The following GRM7 variants were observed in gnomAD, a reference collection of about 807,000 sequenced individuals.
GRM7 encodes the protein glutamate metabotropic receptor 7.
GRM7 carries 35 observed loss-of-function variants against 84.5 expected under a neutral mutation model. That is an observed-to-expected ratio of 0.41 (90% CI 0.32 to 0.55). The LOEUF is 0.55. Ranked by LOEUF, GRM7 falls within the 20% of genes least tolerant of loss-of-function variation. GRM7 has a pLI of 0.19. For missense variants in GRM7, 1,003 were observed against 1,194.6 expected (o/e 0.84, Z 2.36); for synonymous variants, 487 against 455.1 (o/e 1.07, Z -0.89).
At chr3:7,202,107 C>G (rs1248674873) in intron 2 of GRM7, among the ~76,000 whole-genome samples, 1 of 151,486 alleles carries the variant, frequency 6.6e-6, no homozygotes, top group Non-Finnish European at 1.5e-5. Context: ...TTTTGGCTAG[C>G]CAAAAAAGTC....
intron 4 of GRM7, among the ~76,000 whole-genome samples, chr3:7,411,136 T>C (rs893328675): frequency 6.6e-6 from 1 of 152,210 alleles, no homozygotes. Flanking sequence ...ACTCTTGTCA[T>C]TGGATTTACA....
rs138673953 is a variant in GRM7, at chr3:6,912,805, T to G, written c.519+50898T>G. On this transcript the variant is annotated intron_variant, in intron 1 of 9. Coordinates refer to ENST00000357716, the MANE Select transcript of GRM7 (RefSeq NM_000844.4). ...GTGATCAAAGATTGATTTAAAATAA[T>G]TTTTTAGAATAAATTGTGATTTGAA... is the stretch of plus-strand genomic sequence containing the variant. 6.5e-3 allele frequency among the ~76,000 whole-genome samples: 989 copies of G among 152,278 alleles called. 16 individuals carry two copies. Among genetic ancestry groups the G allele is most frequent in the African/African-American group, 0.023 (962 of 41,558 alleles).
At chr3:7,248,241 A>G (rs1368788387) in intron 2 of GRM7, among the ~76,000 whole-genome samples, 2 of 152,208 alleles carry the variant, frequency 1.3e-5, no homozygotes, top group African/African-American at 4.8e-5. Flanking sequence ...GAGGAAGGCT[A>G]ATAAGATTGT....
At chr3:7,730,886 G>C (rs775164850) in intron 9 of GRM7, among the ~76,000 whole-genome samples, 5 of 152,162 alleles carry the variant, frequency 3.3e-5, no homozygotes, top group Admixed American at 6.5e-5. Context: ...GAAATCTGAT[G>C]TGGTAATTTA....
At chr3:7,320,725 T>C (rs1203541340) in intron 4 of GRM7, among the ~76,000 whole-genome samples, 2 of 148,500 alleles carry the variant, frequency 1.3e-5, no homozygotes, top group African/African-American at 4.9e-5. Context: ...TGTGTGCAAC[T>C]TCTTTCACCC....
chr3:7,662,835 A>G (rs908104177), intron 8 of GRM7, among the ~76,000 whole-genome samples: 2 of 152,218 alleles, frequency 1.3e-5, no homozygotes, highest in African/African-American at 2.4e-5. Context: ...TGGGGAAAAT[A>G]TATGTATTGT....
At chr3:7,122,965 T>G (rs1163548051) in intron 1 of GRM7, among the ~76,000 whole-genome samples, 1 of 152,174 alleles carries the variant, frequency 6.6e-6, no homozygotes, top group Admixed American at 6.5e-5. Flanking sequence ...TTCCTGAGAA[T>G]TTTTGAAAAG....
At chr3:7,416,333 T>C (rs1696157455) in intron 5 of GRM7, among the ~76,000 whole-genome samples, 1 of 152,154 alleles carries the variant, frequency 6.6e-6, no homozygotes, top group Non-Finnish European at 1.5e-5. Flanking sequence ...GCCTTTACAA[T>C]TTGTAGTGAT....
chr3:7,451,634 A>C (rs1697772386), intron 5 of GRM7: 1 of 152,168 alleles, frequency 6.6e-6, no homozygotes, highest in South Asian at 2.1e-4. Context: ...CTCTACCTGT[A>C]AATGACCTTT....
chr3:7,330,768 T>G (rs1194559482), intron 4 of GRM7, among the ~76,000 whole-genome samples: 2 of 152,190 alleles, frequency 1.3e-5, no homozygotes, highest in Non-Finnish European at 2.9e-5. Flanking sequence ...AATTACCCAG[T>G]CTTGGGTGTG....
At chr3:7,086,174 G>C (rs1698453492) in intron 1 of GRM7, among the ~76,000 whole-genome samples, 1 of 152,060 alleles carries the variant, frequency 6.6e-6, no homozygotes, top group South Asian at 2.1e-4. Flanking sequence ...GTTCACTGGA[G>C]CTATATTGAG....
intron 2 of GRM7, among the ~76,000 whole-genome samples, chr3:7,276,484 T>C (rs559323826): frequency 2.0e-5 from 3 of 151,946 alleles, no homozygotes; most frequent in South Asian, 4.2e-4. Context: ...AATTAGGAAT[T>C]ATTCTTCAGT....
chr3:7,260,021 T>C (rs1402383081), intron 2 of GRM7, among the ~76,000 whole-genome samples: 1 of 150,974 alleles, frequency 6.6e-6, no homozygotes, highest in Non-Finnish European at 1.5e-5. Context: ...ATTGTGGTTT[T>C]TATTTGCATT....
At chr3:7,597,622 A>G (rs1260243049) in intron 8 of GRM7, among the ~76,000 whole-genome samples, 1 of 151,984 alleles carries the variant, frequency 6.6e-6, no homozygotes, top group Non-Finnish European at 1.5e-5. Context: ...GTTTCCATCT[A>G]TTAGATAGTG....
rs117064023 is a variant in GRM7, at chr3:6,926,632, T to C, written c.519+64725T>C. ...GAAACTGAAAGGCAGGTGTCTCCTC[T>C]ACAATGAGCAGGTGCTCCCCAAACA... On this transcript the variant is annotated intron_variant, in intron 1 of 9. Coordinates refer to ENST00000357716, the MANE Select transcript of GRM7 (RefSeq NM_000844.4). Among the ~76,000 whole-genome samples the C allele has an allele frequency of 7.3e-4, 111 of 152,296 alleles. No individual in the cohort carries two copies. In the East Asian group the frequency reaches 0.019, roughly 25 times the overall value.
At chr3:7,504,546 T>C (rs1217569594) in intron 7 of GRM7, among the ~76,000 whole-genome samples, 1 of 152,248 alleles carries the variant, frequency 6.6e-6, no homozygotes, top group Non-Finnish European at 1.5e-5. Context: ...GCATGGTGTC[T>C]GCATCTGGTA....
At chr3:7,489,290 C>G (rs1699436953) in intron 7 of GRM7, among the ~76,000 whole-genome samples, 1 of 152,104 alleles carries the variant, frequency 6.6e-6, no homozygotes, top group Admixed American at 6.6e-5. Flanking sequence ...CTTTCTTCTC[C>G]TTCCGTTTCC....
At chr3:7,148,681 A>G (rs1272163996) in intron 2 of GRM7, among the ~76,000 whole-genome samples, 1 of 152,172 alleles carries the variant, frequency 6.6e-6, no homozygotes. Context: ...TATTATATAT[A>G]ATGACTCTTC....
intron 4 of GRM7, among the ~76,000 whole-genome samples, chr3:7,331,930 C>T (rs1701224735): frequency 6.6e-6 from 1 of 151,902 alleles, no homozygotes. Flanking sequence ...TTATATTGAG[C>T]GTGTCTGGAA....
Sources: gnomAD v4.1 joint callset for allele counts (sites outside exome capture counted in the v4.1 genomes callset) on GRCh38, gnomAD v4.1.1 for gene constraint, MANE v1.5 for transcripts, NCBI Gene and HGNC (gene_info 2026-07-23, HGNC 2026-07-21) for gene names.